Variants in MMEL1 observed in about 807,000 individuals in gnomAD.
The protein encoded by MMEL1 is membrane metallo-endopeptidase-like 1.
Under a neutral mutation model 117.1 loss-of-function variants are expected in MMEL1, and 98 were observed. That is an observed-to-expected ratio of 0.84 (90% CI 0.71 to 0.99). The LOEUF (loss-of-function observed/expected upper bound fraction) is 0.99, where lower values mean the gene tolerates loss of function less well. MMEL1 is among the 50% of genes least tolerant of loss of function. The pLI, the probability that MMEL1 is intolerant of heterozygous loss-of-function variation, is 0.00. For missense variants in MMEL1, 1,014 were observed against 1,049.1 expected (o/e 0.97, Z 0.46); for synonymous variants, 390 against 415.1 (o/e 0.94, Z 0.74).
Position 2,590,982 on chromosome 1 carries a change from G to T in MMEL1, c.*8C>A. The T allele has an allele frequency of 1.3e-6, 2 of 1,570,664 alleles. No individual in the cohort carries two copies. Among genetic ancestry groups the T allele is most frequent in the Non-Finnish European group, 1.7e-6 (2 of 1,159,596 alleles). On this transcript the variant is annotated 3_prime_UTR_variant, in exon 24 of 24. Coordinates refer to ENST00000378412, the MANE Select transcript of MMEL1 (RefSeq NM_033467.4). The stretch of plus-strand genomic sequence containing the variant: ...GGGCGTGGGCCGCACAGCGCGGCAG[G>T]GCCTTGGCTACCACACGCGGCATCG...
intron 17 of MMEL1, 50 bp from the exon 18 acceptor site, chr1:2,594,493 C>T (rs1400639282): frequency 1.3e-6 from 2 of 1,541,494 alleles, no homozygotes; most frequent in Admixed American, 2.0e-5. Context: ...GGGACCCTCC[C>T]TCTGGGCTCT....
rs761219910 is a variant in MMEL1 at position 2,609,439 on chromosome 1, T to C, written c.455-20A>G. 5.0e-6 allele frequency: 8 copies of C among 1,604,964 alleles called. No individual in the cohort carries two copies. Among genetic ancestry groups the C allele is most frequent in the South Asian group, 2.2e-5 (2 of 89,746 alleles). ...GCACCGCTGTGGGCACAGGAAAAGG[T>C]TGGACAGAGGCCTGACGAGGCTGCA... On this transcript the variant is annotated intron_variant, in intron 5 of 23. Coordinates refer to ENST00000378412, the MANE Select transcript of MMEL1 (RefSeq NM_033467.4).
At position 2,604,143 on chromosome 1, in the gene MMEL1, T is replaced by G; in HGVS notation, c.951+4A>C. On this transcript the variant is annotated splice_donor_region_variant and intron_variant, in intron 10 of 23. Coordinates refer to ENST00000378412, the MANE Select transcript of MMEL1 (RefSeq NM_033467.4). ...CCGCTCCCCACCCGCCCCGGCCCCC[T>G]TACCTTGGCCAGCTGTGTCTCCAGC... is the stretch of plus-strand genomic sequence containing the variant. 13 of 974,232 alleles carry G rather than the reference T, an allele frequency of 1.3e-5. No individual in the cohort carries two copies. The highest frequency in any genetic ancestry group is 2.0e-5 in the Non-Finnish European group (13 of 642,188). The allele number at this position is 974,232 out of a possible 1,614,324, so 60.3% of individuals were successfully genotyped here.
At position 2,590,996 on chromosome 1, in the gene MMEL1, C is replaced by T. The variant is rs771935253; in HGVS notation, c.2334G>A (p.Val778=). Residue 778 remains valine (V), a synonymous_variant, in exon 24 of 24, where the codon GTG becomes GTA. Coordinates refer to ENST00000378412, the MANE Select transcript of MMEL1 (RefSeq NM_033467.4). ...TPMHPKERCR[V]W is the part of the protein sequence containing the mutation. ...CAGCGCGGCAGGGCCTTGGCTACCA[C>T]ACGCGGCATCGCTCCTTGGGGTGCA... The T allele has an allele frequency of 6.3e-6, 10 of 1,588,174 alleles. No homozygotes were observed. The African/African-American group carries it at 8.1e-5, about 13-fold the overall frequency.
At chr1:2,621,582 T>TG (rs906017052) in intron 2 of MMEL1, among the ~76,000 whole-genome samples, 32 of 151,482 alleles carry the variant, frequency 2.1e-4, no homozygotes, top group East Asian at 1.7e-3. Flanking sequence ...ATTTTTTTTT[T>TG]TTTGTTTTGG....
At chr1:2,622,883 CAAAA>C (rs60522932) in intron 2 of MMEL1, among the ~76,000 whole-genome samples, 46,929 of 103,596 alleles carry the variant, frequency 0.45, 8,487 homozygotes, top group East Asian at 0.57. Flanking sequence ...AACTCTGTCT[CAAAA>C]AAAAAAAAAA....
chr1:2,598,168 T>G, intron 13 of MMEL1, 39 bp downstream of exon 13: 39 of 1,564,404 alleles, frequency 2.5e-5, no homozygotes, highest in Non-Finnish European at 3.1e-5. Context: ...CCTGAATGAA[T>G]GAGTGCCCGG....
Position 2,595,941 on chromosome 1 carries a change from T to C in MMEL1, c.1500+68A>G. 7.1e-7 allele frequency: 1 copy of C among 1,405,488 alleles called. No individual in the cohort carries two copies. Among genetic ancestry groups the C allele is most frequent in the Non-Finnish European group, 1.0e-6 (1 of 996,294 alleles). 87.1% of individuals were successfully genotyped at this position (1,405,488 alleles called of 1,614,324 possible). On this transcript the variant is annotated intron_variant, in intron 15 of 23. Coordinates refer to ENST00000378412, the MANE Select transcript of MMEL1 (RefSeq NM_033467.4). This position sits in a 1 kb window ranked among gnomAD's most constrained non-coding sequence, Gnocchi z 4.8. Reference sequence around the variant, plus strand: ...CTCCCCGTGGGGACCGTCAGGAGGCTTTGTCGGGGCGGTGCTGCCCGTGCC... The same window carrying C: ...CTCCCCGTGGGGACCGTCAGGAGGCCTTGTCGGGGCGGTGCTGCCCGTGCC...
At chr1:2,599,414 A>T (rs1644896128) in intron 11 of MMEL1, among the ~76,000 whole-genome samples, 1 of 152,270 alleles carries the variant, frequency 6.6e-6, no homozygotes, top group Non-Finnish European at 1.5e-5. Flanking sequence ...TTCAAGGAAT[A>T]CAAGTTTGGT....
At chr1:2,622,137 C>A (rs562818449) in intron 2 of MMEL1, among the ~76,000 whole-genome samples, 35 of 152,282 alleles carry the variant, frequency 2.3e-4, no homozygotes, top group African/African-American at 8.2e-4. Flanking sequence ...TTTTAAGCCA[C>A]CTGAGCATTT....
intron 16 of MMEL1, 65 bp from the exon 17 acceptor site, chr1:2,594,958 G>T: frequency 2.2e-6 from 3 of 1,386,910 alleles, no homozygotes; most frequent in Non-Finnish European, 3.0e-6. Flanking sequence ...AAGGGGAGAG[G>T]TCCTGGGTGG....
intron 2 of MMEL1, among the ~76,000 whole-genome samples, chr1:2,614,848 C>T (rs1645178520): frequency 6.6e-6 from 1 of 150,972 alleles, no homozygotes; most frequent in Admixed American, 6.7e-5. Context: ...GGGTAGGAAA[C>T]ATACGAGATG....
intron 2 of MMEL1, among the ~76,000 whole-genome samples, chr1:2,615,011 A>G (rs1381566993): frequency 2.0e-5 from 3 of 152,192 alleles, no homozygotes; most frequent in South Asian, 2.1e-4. Flanking sequence ...GCAATGCAAT[A>G]TAGCAGTGGA....
At chr1:2,599,709 T>A (rs942483866) in intron 11 of MMEL1, among the ~76,000 whole-genome samples, 12 of 151,928 alleles carry the variant, frequency 7.9e-5, no homozygotes, top group African/African-American at 2.7e-4. Context: ...AATGCAAAAA[T>A]TAGCTGGGTG....
chr1:2,602,957 T>C (rs1027490008), intron 11 of MMEL1, among the ~76,000 whole-genome samples: 3 of 152,124 alleles, frequency 2.0e-5, no homozygotes, highest in Non-Finnish European at 4.4e-5. Flanking sequence ...TCGATCGAGA[T>C]AGGCCTTTGT....
intron 2 of MMEL1, among the ~76,000 whole-genome samples, chr1:2,623,125 C>T (rs933941018): frequency 9.9e-5 from 15 of 150,986 alleles, no homozygotes; most frequent in Non-Finnish European, 2.1e-4. Context: ...GCCGAGATCA[C>T]GCCACTGCAC....
At chr1:2,622,608 G>A (rs1240637612) in intron 2 of MMEL1, among the ~76,000 whole-genome samples, 1 of 152,140 alleles carries the variant, frequency 6.6e-6, no homozygotes, top group African/African-American at 2.4e-5. Flanking sequence ...TTCTTGGCCG[G>A]GCGCGGTGGC....
At position 2,613,512 on chromosome 1, in the gene MMEL1, C is replaced by T. The variant is rs189559771; in HGVS notation, c.155-1308G>A. On this transcript the variant is annotated intron_variant, in intron 2 of 23. Coordinates refer to ENST00000378412, the MANE Select transcript of MMEL1 (RefSeq NM_033467.4). ...GTTGAAATTGACTGTGGCCCCCACC[C>T]TAGCCAGGAGAGCAAGCTGGAGAAC... Among the ~76,000 whole-genome samples, 49 of 152,260 alleles carry T rather than the reference C, an allele frequency of 3.2e-4. 1 individual carries two copies. Among genetic ancestry groups the T allele is most frequent in the Admixed American group, 2.7e-3 (41 of 15,302 alleles).
rs746064636 is a variant in MMEL1, at chr1:2,598,741, A to T, written c.1091T>A (p.Ile364Asn). 3.1e-6 allele frequency: 5 copies of T among 1,614,136 alleles called. No individual in the cohort carries two copies. The Admixed American group carries it at 8.3e-5, about 27-fold the overall frequency. ...CACTTCCTCATCTGGCAGCAGCTTG[A>T]TTTTGACAGAGGATAGCACAGTTTG... ...FIQTVLSSVK[I>N]KLLPDEEVVV... Residue 364 changes from isoleucine (I) to asparagine (N), a missense_variant, in exon 12 of 24, where the codon ATC becomes AAC. Physicochemically the swap from Ile to Asn is moderately radical, Grantham distance 149. Transcript: ENST00000378412.
Sources: allele counts gnomAD v4.1 joint callset (sites outside exome capture counted in the v4.1 genomes callset), GRCh38; gene constraint gnomAD v4.1.1; non-coding constraint Gnocchi (gnomAD v3.1); transcripts MANE v1.5; gene names NCBI Gene and HGNC (gene_info 2026-07-23, HGNC 2026-07-21).